HGF: variants seen among roughly 807,000 people sequenced by gnomAD.
The protein encoded by HGF is fibroblast-derived tumor cytotoxic factor.
HGF carries 39 observed loss-of-function variants against 111.6 expected under a neutral mutation model. That is an observed-to-expected ratio of 0.35 (90% CI 0.27 to 0.46). The LOEUF (loss-of-function observed/expected upper bound fraction) is 0.46, where lower values mean the gene tolerates loss of function less well. HGF is among the 20% of genes least tolerant of loss of function. The probability of loss-of-function intolerance (pLI) is 1.00; values close to 1 mark genes in which losing one functional copy is unlikely to be tolerated. For synonymous variants in HGF, 285 were observed against 294.8 expected, an observed-to-expected ratio of 0.97 and a Z score of 0.34; for missense variants, 735 against 910.5, an observed-to-expected ratio of 0.81 and a Z score of 2.48.
chr7:81,741,160 C>A (rs1312119787), intron 7 of HGF, among the ~76,000 whole-genome samples: 3 of 152,108 alleles, frequency 2.0e-5, no homozygotes, highest in African/African-American at 7.2e-5. Flanking sequence ...ATATCTATAT[C>A]TCTTTCATAT....
At chr7:81,709,113 AACAG>A (rs1483335799) in intron 13 of HGF, among the ~76,000 whole-genome samples, 2 of 152,174 alleles carry the variant, frequency 1.3e-5, no homozygotes, top group African/African-American at 4.8e-5. Context: ...TAATAATAGT[AACAG>A]ACATTCTTTT....
chr7:81,723,071 G>A (rs943235339), intron 9 of HGF, among the ~76,000 whole-genome samples: 1 of 151,924 alleles, frequency 6.6e-6, no homozygotes, highest in Non-Finnish European at 1.5e-5. Flanking sequence ...ATGGGTACTA[G>A]CCTTAGTACC....
chr7:81,764,594 A>C (rs542455177), intron 1 of HGF, among the ~76,000 whole-genome samples: 1 of 152,260 alleles, frequency 6.6e-6, no homozygotes, highest in South Asian at 2.1e-4. Context: ...CCAATTTCTC[A>C]ATCTAAAATA....
chr7:81,721,665 G>T (rs1160309820), intron 9 of HGF, among the ~76,000 whole-genome samples: 2 of 152,164 alleles, frequency 1.3e-5, no homozygotes, highest in African/African-American at 4.8e-5. Flanking sequence ...ATAAAACCAA[G>T]TTAAAGATAT....
chr7:81,721,047 C>T (rs1029540634), intron 9 of HGF, among the ~76,000 whole-genome samples, 200 bp from the exon 10 acceptor site: 3 of 152,180 alleles, frequency 2.0e-5, no homozygotes, highest in Admixed American at 6.5e-5. Flanking sequence ...AGATCGAGAC[C>T]ATCCTGGCTA....
intron 4 of HGF, chr7:81,756,105 A>G (rs1394465566): frequency 4.3e-6 from 3 of 699,020 alleles, no homozygotes; most frequent in Non-Finnish European, 5.2e-6. Context: ...TGACCGGCCA[A>G]ATGTGTCATG....
intron 7 of HGF, chr7:81,742,650 G>A (rs1271826623): frequency 5.9e-6 from 7 of 1,181,712 alleles, no homozygotes; most frequent in Admixed American, 7.0e-5. Context: ...TAACCATAGA[G>A]GAGAGGACCA....
intron 7 of HGF, among the ~76,000 whole-genome samples, chr7:81,741,260 A>T (rs1787990558): frequency 6.6e-6 from 1 of 152,040 alleles, no homozygotes; most frequent in Non-Finnish European, 1.5e-5. Context: ...TGAGTGATAT[A>T]GGTTTGGCTT....
At chr7:81,751,770 A>G (rs1788516622) in intron 5 of HGF, 21 of 1,088,570 alleles carry the variant, frequency 1.9e-5, no homozygotes, top group Non-Finnish European at 2.2e-5. Flanking sequence ...TGCTAATGAA[A>G]GGCTAAGCTT....
intron 7 of HGF, among the ~76,000 whole-genome samples, chr7:81,730,075 A>G (rs774441992): frequency 2.1e-4 from 32 of 152,324 alleles, no homozygotes; most frequent in Admixed American, 9.2e-4. Context: ...AAATGACTAT[A>G]CAATTATTTC....
chr7:81,712,250 A>C (rs1789591732), intron 11 of HGF, among the ~76,000 whole-genome samples: 1 of 152,230 alleles, frequency 6.6e-6, no homozygotes, highest in South Asian at 2.1e-4. Context: ...CTTCATATTG[A>C]TAGGCCATTT....
intron 7 of HGF, among the ~76,000 whole-genome samples, chr7:81,732,545 G>T (rs1787701979): frequency 6.6e-6 from 1 of 152,016 alleles, no homozygotes; most frequent in African/African-American, 2.4e-5. Context: ...ACATTTTAAA[G>T]TTACACTCTT....
At chr7:81,723,448 C>T (rs1235739545) in intron 9 of HGF, among the ~76,000 whole-genome samples, 5 of 151,856 alleles carry the variant, frequency 3.3e-5, no homozygotes, top group Non-Finnish European at 7.4e-5. Flanking sequence ...TTTTTGGTTA[C>T]AATTTTCTGA....
intron 5 of HGF, among the ~76,000 whole-genome samples, chr7:81,748,169 A>G (rs1788352918): frequency 6.6e-6 from 1 of 152,122 alleles, no homozygotes; most frequent in African/African-American, 2.4e-5. Context: ...TATTTCCTAC[A>G]TATTCTAACT....
chr7:81,758,836 T>C, intron 2 of HGF, 32 bp from the exon 3 acceptor site: 1 of 1,342,056 alleles, frequency 7.5e-7, no homozygotes, highest in East Asian at 2.3e-5. Flanking sequence ...AAAGAAGAAA[T>C]ACTACTATTT....
At chr7:81,718,107 T>C (rs1789761073) in intron 10 of HGF, among the ~76,000 whole-genome samples, 1 of 152,202 alleles carries the variant, frequency 6.6e-6, no homozygotes, top group Admixed American at 6.5e-5. Context: ...ATTAAAACTA[T>C]TCATCTTACT....
intron 5 of HGF, chr7:81,751,172 G>T: frequency 1.1e-6 from 1 of 902,468 alleles, no homozygotes; most frequent in Non-Finnish European, 1.3e-6. Context: ...AAAATATTTG[G>T]TTAATAACAA....
chr7:81,726,410 A>G (rs1790012202), intron 8 of HGF, among the ~76,000 whole-genome samples: 1 of 152,210 alleles, frequency 6.6e-6, no homozygotes, highest in African/African-American at 2.4e-5. Flanking sequence ...GAAACAACAC[A>G]TATCTCTCTT....
Position 81,705,683 on chromosome 7 carries a change from T to C in HGF, c.1828A>G (p.Thr610Ala), listed in dbSNP as rs1336440203. Reference sequence around the variant, plus strand: ...CCCCAGCCATAAACACTGCAACTGGTCTTTTCAGGAATTGTGCATCCATAA... The same window carrying C: ...CCCCAGCCATAAACACTGCAACTGGCCTTTTCAGGAATTGTGCATCCATAA... ...PNYGCTIPEK[T>A]SCSVYGWGYT... The change falls in exon 16 of 18, where the codon ACC (threonine) becomes GCC (alanine). Residue 610 changes from threonine (T) to alanine (A), a missense_variant. Coordinates refer to ENST00000222390, the MANE Select transcript of HGF (RefSeq NM_000601.6). The C allele has an allele frequency of 6.2e-7, 1 of 1,612,422 alleles. No homozygotes were observed. Among genetic ancestry groups the C allele is most frequent in the Non-Finnish European group, 8.5e-7 (1 of 1,178,800 alleles).
Sources: gnomAD v4.1 joint callset for allele counts (sites outside exome capture counted in the v4.1 genomes callset) on GRCh38, gnomAD v4.1.1 for gene constraint, MANE v1.5 for transcripts, NCBI Gene and HGNC (gene_info 2026-07-23, HGNC 2026-07-21) for gene names.